Variants in ZFPM2 observed in about 807,000 individuals in gnomAD.
ZFPM2 encodes the protein zinc finger protein, FOG family member 2, also known as zinc finger protein ZFPM2.
A neutral mutation model predicts 98.6 loss-of-function variants in ZFPM2; 20 were observed. The ratio of observed to expected loss-of-function variants is 0.20; its 90% CI spans 0.14 to 0.29. The LOEUF (loss-of-function observed/expected upper bound fraction) is 0.29. Among genes scored for constraint, ZFPM2 ranks in the 10% least tolerant of loss-of-function variants. The probability of loss-of-function intolerance (pLI) is 1.00; values close to 1 mark genes in which losing one functional copy is unlikely to be tolerated. For synonymous variants in ZFPM2, 518 were observed against 502.7 expected (o/e 1.03, Z -0.41); for missense variants, 1,310 against 1,388.6 (o/e 0.94, Z 0.90).
chr8:105,731,582 C>T (rs1367365263), intron 5 of ZFPM2, among the ~76,000 whole-genome samples: 10 of 151,316 alleles, frequency 6.6e-5, no homozygotes, highest in Non-Finnish European at 7.4e-5. Context: ...AGTTTCTGAG[C>T]GAACTTTGTT....
At chr8:105,429,547 A>T (rs1299479309) in intron 2 of ZFPM2, among the ~76,000 whole-genome samples, 3 of 151,656 alleles carry the variant, frequency 2.0e-5, no homozygotes, top group African/African-American at 7.3e-5. Context: ...CATCATTCTA[A>T]TGTGGAAACC....
At chr8:105,475,738 T>A (rs1813001302) in intron 3 of ZFPM2, among the ~76,000 whole-genome samples, 1 of 152,226 alleles carries the variant, frequency 6.6e-6, no homozygotes, top group African/African-American at 2.4e-5. Context: ...CAGCTGTTGT[T>A]AATTTTTAAC....
At chr8:105,663,661 C>T (rs1274169383) in intron 5 of ZFPM2, among the ~76,000 whole-genome samples, 6 of 152,122 alleles carry the variant, frequency 3.9e-5, no homozygotes, top group African/African-American at 1.4e-4. Context: ...TGAATGTATG[C>T]GTCAGTCATA....
intron 3 of ZFPM2, among the ~76,000 whole-genome samples, chr8:105,468,720 G>A (rs76589660): frequency 0.038 from 5,856 of 152,160 alleles, 365 homozygotes; most frequent in African/African-American, 0.13. Context: ...TGCATATGCG[G>A]CACTGTGCCA....
chr8:105,653,685 A>C lies in ZFPM2; in HGVS notation c.532+19328A>C, dbSNP rs78003026. Among the ~76,000 whole-genome samples the C allele has an allele frequency of 4.8e-3, 736 of 152,280 alleles. 2 individuals carry two copies. Among genetic ancestry groups the C allele is most frequent in the Middle Eastern group, 0.021 (6 of 292 alleles). On this transcript the variant is annotated intron_variant, in intron 5 of 7. Transcript: ENST00000407775. ...AAAAGGTACACTGTGGGATAGAAAC[A>C]GTTAACCTTGCTACATAATGGTGTA...
At chr8:105,567,211 T>A (rs113232631) in intron 4 of ZFPM2, among the ~76,000 whole-genome samples, 33 of 152,308 alleles carry the variant, frequency 2.2e-4, no homozygotes, top group African/African-American at 7.7e-4. Flanking sequence ...TCTCTACCTA[T>A]GTCTCCAGCA....
At chr8:105,746,052 C>G (rs527717677) in intron 5 of ZFPM2, among the ~76,000 whole-genome samples, 1 of 151,972 alleles carries the variant, frequency 6.6e-6, no homozygotes, top group East Asian at 1.9e-4. Flanking sequence ...GATTATAGAC[C>G]CGAACCACCA....
At chr8:105,621,683 T>A (rs926792479) in intron 4 of ZFPM2, among the ~76,000 whole-genome samples, 5 of 152,136 alleles carry the variant, frequency 3.3e-5, no homozygotes, top group Admixed American at 3.3e-4. Context: ...GTATATGCCA[T>A]TTAGATATTT....
intron 3 of ZFPM2, among the ~76,000 whole-genome samples, chr8:105,460,463 A>G (rs994866842): frequency 6.6e-6 from 1 of 152,154 alleles, no homozygotes; most frequent in Non-Finnish European, 1.5e-5. Context: ...GAAACATCCA[A>G]CAGGTGGAAA....
chr8:105,475,162 G>A (rs1812987171), intron 3 of ZFPM2, among the ~76,000 whole-genome samples: 1 of 152,086 alleles, frequency 6.6e-6, no homozygotes, highest in African/African-American at 2.4e-5. Context: ...AAAATATTTA[G>A]GTTAAAAACA....
intron 5 of ZFPM2, among the ~76,000 whole-genome samples, chr8:105,671,883 G>A (rs1157757289): frequency 6.6e-6 from 1 of 152,104 alleles, no homozygotes; most frequent in Non-Finnish European, 1.5e-5. Flanking sequence ...CACAAAGAGA[G>A]TACAGAATTG....
intron 3 of ZFPM2, among the ~76,000 whole-genome samples, chr8:105,455,373 G>A (rs1263260723): frequency 6.6e-6 from 1 of 152,120 alleles, no homozygotes; most frequent in Non-Finnish European, 1.5e-5. Context: ...AACCTGGGCA[G>A]AATATGCAGC....
chr8:105,533,250 G>A lies in ZFPM2; in HGVS notation c.302-28113G>A, dbSNP rs146221967. Among the ~76,000 whole-genome samples, 200 of 152,030 alleles carry A rather than the reference G, an allele frequency of 1.3e-3. 1 individual carries two copies. The highest frequency in any genetic ancestry group is 4.4e-3 in the African/African-American group (183 of 41,478). ...TAATTCTCATAAACATATTTCAAAT[G>A]GACTGGCCATAAAAGGACAGTTTTA... On this transcript the variant is annotated intron_variant, in intron 3 of 7. Transcript: ENST00000407775.
chr8:105,489,470 T>TATATATA (rs1813314272), intron 3 of ZFPM2, among the ~76,000 whole-genome samples: 1 of 126,438 alleles, frequency 7.9e-6, no homozygotes, highest in African/African-American at 3.8e-5. Context: ...ATATATATTT[T>TATATATA]TTTTTTTTTT....
In ZFPM2 at chr8:105,449,095, A is replaced by G. The variant is rs961406507; in HGVS notation, c.301+4714A>G. ...ACCTTAAAAGTCACATCTTACTTAC[A>G]TCAACTTTCAGTATGCTAATTCTCG... is the stretch of plus-strand genomic sequence containing the variant. On this transcript the variant is annotated intron_variant, in intron 3 of 7. Coordinates refer to ENST00000407775, the MANE Select transcript of ZFPM2 (RefSeq NM_012082.4). 2.7e-4 allele frequency among the ~76,000 whole-genome samples: 41 copies of G among 152,022 alleles called. 1 individual carries two copies. Among genetic ancestry groups the G allele is most frequent in the Admixed American group, 2.6e-3 (40 of 15,250 alleles).
intron 3 of ZFPM2, among the ~76,000 whole-genome samples, chr8:105,482,220 T>A (rs1193352940): frequency 6.6e-6 from 1 of 152,220 alleles, no homozygotes; most frequent in South Asian, 2.1e-4. Context: ...TAGTGAATTA[T>A]TAATTCAATA....
intron 1 of ZFPM2, among the ~76,000 whole-genome samples, chr8:105,385,571 T>C (rs1170473579): frequency 6.6e-6 from 1 of 152,234 alleles, no homozygotes; most frequent in Non-Finnish European, 1.5e-5. Flanking sequence ...TAATTTACTT[T>C]ATCTGTCAGT....
chr8:105,413,825 A>G lies in ZFPM2; in HGVS notation c.41-5319A>G, dbSNP rs555280344. Among the ~76,000 whole-genome samples, 10 of 152,084 alleles carry G rather than the reference A, an allele frequency of 6.6e-5. No homozygotes were observed. The South Asian group carries it at 1.9e-3, about 28-fold the overall frequency. ...TGTGATGAAAATTTTAATTTTTAAT[A>G]TTAATAATGCTATCTGATATTAAAA... On this transcript the variant is annotated intron_variant, in intron 1 of 7. Coordinates refer to ENST00000407775, the MANE Select transcript of ZFPM2 (RefSeq NM_012082.4).
chr8:105,803,041 A>G lies in ZFPM2; in HGVS notation c.2959A>G (p.Ile987Val). 6.2e-7 allele frequency: 1 copy of G among 1,613,546 alleles called. No homozygotes were observed. Among genetic ancestry groups the G allele is most frequent in the Non-Finnish European group, 8.5e-7 (1 of 1,179,726 alleles). The change falls in exon 8 of 8, where the codon ATC (isoleucine) becomes GTC (valine). Residue 987 changes from isoleucine to valine, a missense_variant. Ile to Val is a conservative substitution (Grantham distance 29). Coordinates refer to ENST00000407775, the MANE Select transcript of ZFPM2 (RefSeq NM_012082.4). Reference sequence around the variant, plus strand: ...CGACCAGCTTTCTCCATATTATGGAATCAAGCCAAGTGATTATATTTCTGG... The same window carrying G: ...CGACCAGCTTTCTCCATATTATGGAGTCAAGCCAAGTGATTATATTTCTGG... Reference protein sequence around the residue: ...GADQLSPYYGIKPSDYISGSL... With the variant: ...GADQLSPYYGVKPSDYISGSL...
Sources: gnomAD v4.1 joint callset for allele counts (sites outside exome capture counted in the v4.1 genomes callset) on GRCh38, gnomAD v4.1.1 for gene constraint, MANE v1.5 for transcripts, NCBI Gene and HGNC (gene_info 2026-07-23, HGNC 2026-07-21) for gene names.